The following MYH13 variants were observed in gnomAD, a reference collection of about 807,000 sequenced individuals.
The protein encoded by MYH13 is myosin heavy chain 13.
MYH13 carries 177 observed loss-of-function variants against 232.1 expected under a neutral mutation model. The observed-to-expected ratio is 0.76, with a 90% confidence interval of 0.67 to 0.86. The LOEUF (loss-of-function observed/expected upper bound fraction) is 0.86. Ranked by LOEUF, MYH13 falls within the 40% of genes least tolerant of loss-of-function variation. The probability of loss-of-function intolerance (pLI) is 0.00; values close to 1 mark genes in which losing one functional copy is unlikely to be tolerated. For missense variants in MYH13, 2,246 were observed against 2,405.9 expected (o/e 0.93, Z 1.39); for synonymous variants, 884 against 923.5 (o/e 0.96, Z 0.78).
At chr17:10,358,269 G>T (rs761499529) in intron 7 of MYH13, among the ~76,000 whole-genome samples, 1 of 152,160 alleles carries the variant, frequency 6.6e-6, no homozygotes, top group African/African-American at 2.4e-5. Flanking sequence ...AACAACAGTG[G>T]TTCTCAAAAA....
Position 10,313,265 on chromosome 17 carries a change from C to G in MYH13, c.4074G>C (p.Lys1358Asn). The change falls in exon 30 of 41, where the codon AAG (lysine) becomes AAC (asparagine). Residue 1358 changes from lysine (K) to asparagine (N), a missense_variant. Coordinates refer to ENST00000252172, the MANE Select transcript of MYH13 (RefSeq NM_003802.3). ...TGGACAGCGCCCTCTGCAGCTCGGCCTTGGCTTCCTGCTCCTCCTCATACT... is the reference window on the plus strand; with the variant it reads ...TGGACAGCGCCCTCTGCAGCTCGGCGTTGGCTTCCTGCTCCTCCTCATACT... ...REQYEEEQEA[K>N]AELQRALSKA... 6.2e-7 allele frequency: 1 copy of G among 1,614,256 alleles called. No homozygotes were observed. Among genetic ancestry groups the G allele is most frequent in the East Asian group, 2.2e-5 (1 of 44,880 alleles).
intron 12 of MYH13, among the ~76,000 whole-genome samples, chr17:10,349,143 C>G (rs567722345): frequency 5.9e-5 from 9 of 151,862 alleles, no homozygotes; most frequent in Non-Finnish European, 1.3e-4. Context: ...ACGATTTTCA[C>G]CCAGGCTGAA....
chr17:10,370,139 C>G (rs1324764544), intron 2 of MYH13, among the ~76,000 whole-genome samples: 6 of 152,224 alleles, frequency 3.9e-5, no homozygotes, highest in Non-Finnish European at 7.3e-5. Context: ...CTGGAGTGTG[C>G]CCTCACCTCT....
intron 23 of MYH13, among the ~76,000 whole-genome samples, chr17:10,322,695 GCA>G (rs1907006678): frequency 7.0e-6 from 1 of 143,652 alleles, no homozygotes; most frequent in Admixed American, 7.1e-5. Context: ...GTGCAGTGGC[GCA>G]GTCTCAGCTC....
Position 10,311,223 on chromosome 17 carries a change from C to T in MYH13, c.4536G>A (p.Glu1512=). 1 of 1,614,024 alleles carries T rather than the reference C, an allele frequency of 6.2e-7. No individual in the cohort carries two copies. The highest frequency in any genetic ancestry group is 8.5e-7 in the Non-Finnish European group (1 of 1,179,904). Residue 1512 remains glutamate (E), a synonymous_variant, in exon 33 of 41, where the codon GAG becomes GAA. Coordinates refer to ENST00000252172, the MANE Select transcript of MYH13 (RefSeq NM_003802.3). ...CAATCTGCTCAGTTAAGTCGGAAAT[C>T]TCTTCTGCAAAGGACAGGCTTGATT... is the stretch of plus-strand genomic sequence containing the variant. The part of the protein sequence containing the change: ...LRRENKNLQE[E]ISDLTEQIAE...
intron 18 of MYH13, 88 bp downstream of exon 18, chr17:10,340,062 C>G: frequency 8.5e-7 from 1 of 1,171,788 alleles, no homozygotes; most frequent in Non-Finnish European, 1.2e-6. Flanking sequence ...GACCATCACT[C>G]TTTCCAAACG....
intron 18 of MYH13, 89 bp from the exon 19 acceptor site, chr17:10,333,280 A>G: frequency 9.0e-6 from 8 of 891,084 alleles, no homozygotes; most frequent in South Asian, 7.4e-5. Flanking sequence ...CAACACATCC[A>G]CACTTGAGTG....
At chr17:10,366,704 T>G (rs2142152049) in intron 2 of MYH13, among the ~76,000 whole-genome samples, 2 of 152,306 alleles carry the variant, frequency 1.3e-5, no homozygotes, top group Admixed American at 1.3e-4. Flanking sequence ...ATTTTTTGAA[T>G]AAGGTCTTTT....
Position 10,323,808 on chromosome 17 carries a change from G to A in MYH13, c.2934+214C>T, listed in dbSNP as rs1458946539. On this transcript the variant is annotated intron_variant, in intron 23 of 40. Coordinates refer to ENST00000252172, the MANE Select transcript of MYH13 (RefSeq NM_003802.3). ...AAAAAAAGAAGAAGAAGAAGAAGAAGAAGAAGAAGAAGAAGAAGAAGAAGA... is the reference window on the plus strand; with the variant it reads ...AAAAAAAGAAGAAGAAGAAGAAGAAAAAGAAGAAGAAGAAGAAGAAGAAGA... 4.3e-5 allele frequency among the ~76,000 whole-genome samples: 6 copies of A among 140,008 alleles called. No homozygotes were observed. In the East Asian group the frequency reaches 1.5e-3, roughly 34 times the overall value. The allele number at this position is 140,008 out of a possible 152,430, so 91.9% of individuals were successfully genotyped here. A position where few individuals can be genotyped will look rare whatever the true frequency, so the allele number is the denominator to read the frequency against.
chr17:10,307,257 C>G (rs1034864758), intron 35 of MYH13, among the ~76,000 whole-genome samples, 193 bp from the exon 36 acceptor site: 1 of 151,828 alleles, frequency 6.6e-6, no homozygotes, highest in African/African-American at 2.4e-5. Context: ...TGAAACAGAC[C>G]CAAGAATTGT....
In MYH13 at chr17:10,309,389, TGAG is replaced by T. The variant is rs1906414910; in HGVS notation, c.5011_5013del (p.Leu1671del). 2 of 1,611,370 alleles carry T rather than the reference TGAG, an allele frequency of 1.2e-6. No individual in the cohort carries two copies. ...CGCTCCACGATGGCCAGCTGCTCCTTGAGGTCCTCATTGCTCCTCAGGGCGTCA... is the reference window on the plus strand; with the variant it reads ...CGCTCCACGATGGCCAGCTGCTCCTTGTCCTCATTGCTCCTCAGGGCGTCA... On this transcript the variant is annotated inframe_deletion, in exon 35 of 41. Transcript: ENST00000252172.
chr17:10,357,451 G>A (rs991593117), intron 8 of MYH13, among the ~76,000 whole-genome samples: 9 of 152,166 alleles, frequency 5.9e-5, no homozygotes, highest in African/African-American at 1.9e-4. Flanking sequence ...TTAGCATAAA[G>A]TTGATCTCTA....
At chr17:10,330,663 G>A in intron 20 of MYH13, 140 bp from the exon 21 acceptor site, 1 of 1,222,246 alleles carries the variant, frequency 8.2e-7, no homozygotes, top group Non-Finnish European at 1.1e-6. Flanking sequence ...TCCAGGACTT[G>A]CTTCTCGGTG....
At chr17:10,322,997 A>G (rs867849562) in intron 23 of MYH13, among the ~76,000 whole-genome samples, 2 of 152,072 alleles carry the variant, frequency 1.3e-5, no homozygotes, top group Non-Finnish European at 2.9e-5. Flanking sequence ...TGGTGTGCAC[A>G]CGCCATTGCT....
chr17:10,324,653 C>T (rs1907133714), intron 22 of MYH13, among the ~76,000 whole-genome samples: 1 of 151,362 alleles, frequency 6.6e-6, no homozygotes, highest in African/African-American at 2.4e-5. Context: ...ACCATGTTGG[C>T]CAGGCTGGTC....
At chr17:10,328,678 GTT>G (rs34649785) in intron 21 of MYH13, among the ~76,000 whole-genome samples, 59,916 of 127,466 alleles carry the variant, frequency 0.47, 14,758 homozygotes, top group Non-Finnish European at 0.6. Context: ...TTTTCTATTC[GTT>G]TTTTTTTTTT....
At chr17:10,318,747 G>A (rs369630888) in intron 27 of MYH13, 43 bp downstream of exon 27, 139 of 1,607,822 alleles carry the variant, frequency 8.6e-5, no homozygotes, top group Non-Finnish European at 1.0e-4. Flanking sequence ...GGTGGCCGTC[G>A]GCTGCCTTGC....
intron 18 of MYH13, among the ~76,000 whole-genome samples, chr17:10,339,879 TG>T (rs1169752513): frequency 2.0e-5 from 3 of 152,234 alleles, no homozygotes; most frequent in African/African-American, 7.2e-5. Context: ...AACATATTTA[TG>T]GGGTACACAT....
chr17:10,366,966 A>G (rs1293809031), intron 2 of MYH13, among the ~76,000 whole-genome samples: 1 of 152,236 alleles, frequency 6.6e-6, no homozygotes, highest in Non-Finnish European at 1.5e-5. Flanking sequence ...TTAGGTTTTC[A>G]TAGTAAGGGA....
Sources: gnomAD v4.1 joint callset for allele counts (sites outside exome capture counted in the v4.1 genomes callset) on GRCh38, gnomAD v4.1.1 for gene constraint, MANE v1.5 for transcripts, NCBI Gene and HGNC (gene_info 2026-07-23, HGNC 2026-07-21) for gene names.